Variants in SH3PXD2A observed in about 807,000 individuals in gnomAD.
SH3PXD2A encodes SH3 and PX domain-containing protein 2A.
A neutral mutation model predicts 115.2 loss-of-function variants in SH3PXD2A; 32 were observed. The ratio of observed to expected loss-of-function variants is 0.28; its 90% CI spans 0.21 to 0.37. The LOEUF (loss-of-function observed/expected upper bound fraction) is 0.37, where lower values mean the gene tolerates loss of function less well. Among genes scored for constraint, SH3PXD2A ranks in the 10% least tolerant of loss-of-function variants. SH3PXD2A has a pLI of 1.00. For missense variants in SH3PXD2A, 1,328 were observed against 1,498.7 expected (o/e 0.89, Z 1.88); for synonymous variants, 610 against 629.1 (o/e 0.97, Z 0.45).
intron 2 of SH3PXD2A, among the ~76,000 whole-genome samples, chr10:103,791,642 AT>A (rs2039037332): frequency 6.6e-6 from 1 of 151,808 alleles, no homozygotes. Context: ...TAGATGCTCT[AT>A]CCCCGCTGCC....
chr10:103,767,813 T>G (rs1224762905), intron 2 of SH3PXD2A, among the ~76,000 whole-genome samples: 4 of 100,942 alleles, frequency 4.0e-5, no homozygotes, highest in Admixed American at 2.0e-4. Flanking sequence ...CTGTTTTGTT[T>G]TTTTTTTTTT....
chr10:103,628,182 G>A (rs1188406031), intron 8 of SH3PXD2A, among the ~76,000 whole-genome samples: 5 of 152,202 alleles, frequency 3.3e-5, no homozygotes, highest in African/African-American at 9.6e-5. Flanking sequence ...TGAAAACAAC[G>A]GAGAGGAGGG....
chr10:103,740,559 A>G (rs1416146498), intron 3 of SH3PXD2A, among the ~76,000 whole-genome samples: 1 of 152,156 alleles, frequency 6.6e-6, no homozygotes, highest in Non-Finnish European at 1.5e-5. Context: ...CCAGCCATGA[A>G]GAGTTTGGTA....
At chr10:103,764,867 G>T (rs2038737327) in intron 3 of SH3PXD2A, among the ~76,000 whole-genome samples, 1 of 152,174 alleles carries the variant, frequency 6.6e-6, no homozygotes, top group Admixed American at 6.5e-5. Context: ...CTTGGCCTCA[G>T]TTTCCTAGTC....
In SH3PXD2A at chr10:103,693,004, G is replaced by GA. The variant is rs1489267729; in HGVS notation, c.427+23dup. 6 of 1,604,506 alleles carry GA rather than the reference G, an allele frequency of 3.7e-6. 1 individual carries two copies. The South Asian group carries it at 5.5e-5, about 15-fold the overall frequency. On this transcript the variant is annotated intron_variant, in intron 6 of 14. Transcript: ENST00000369774. ...ACGAAGCGGGAAGGAAGGCTGAAGG[G>GA]AAAACGCCCGGAGGCTCCCTTACCT... is the stretch of plus-strand genomic sequence containing the variant.
intron 6 of SH3PXD2A, among the ~76,000 whole-genome samples, chr10:103,681,906 T>C (rs1181830144): frequency 6.6e-6 from 1 of 152,206 alleles, no homozygotes; most frequent in East Asian, 1.9e-4. Flanking sequence ...GGTGAAACCC[T>C]GTCTCTTAAG....
In SH3PXD2A at chr10:103,814,291, G is replaced by C. The variant is rs575825139; in HGVS notation, c.73-12929C>G. The stretch of plus-strand genomic sequence containing the variant: ...TCTGCAGGCCTTCATCAGCGACTAA[G>C]GGGTCAGAGTCCAGCCCTTCTCGGC... On this transcript the variant is annotated intron_variant, in intron 1 of 14. Coordinates refer to ENST00000369774, the MANE Select transcript of SH3PXD2A (RefSeq NM_001394015.1). 4.6e-5 allele frequency among the ~76,000 whole-genome samples: 7 copies of C among 152,316 alleles called. No homozygotes were observed. In the South Asian group the frequency reaches 1.2e-3, roughly 27 times the overall value.
intron 5 of SH3PXD2A, among the ~76,000 whole-genome samples, chr10:103,710,888 T>C (rs2038039480): frequency 6.6e-6 from 1 of 151,948 alleles, no homozygotes; most frequent in South Asian, 2.1e-4. Flanking sequence ...ATTTAAAAAA[T>C]AGTGGGGCAC....
At chr10:103,632,864 A>G (rs1026511335) in intron 8 of SH3PXD2A, among the ~76,000 whole-genome samples, 114 of 151,456 alleles carry the variant, frequency 7.5e-4, no homozygotes, top group Non-Finnish European at 1.4e-3. Context: ...GTCCCAAGTA[A>G]CTCGAGAGGC....
At chr10:103,744,708 G>T (rs1039075303) in intron 3 of SH3PXD2A, among the ~76,000 whole-genome samples, 1 of 152,182 alleles carries the variant, frequency 6.6e-6, no homozygotes, top group African/African-American at 2.4e-5. Context: ...GTGAGGCCTA[G>T]ATGCTGAGGC....
chr10:103,766,050 A>G (rs1320698836), intron 3 of SH3PXD2A, among the ~76,000 whole-genome samples: 1 of 152,224 alleles, frequency 6.6e-6, no homozygotes, highest in African/African-American at 2.4e-5. Context: ...ATAGGGACTC[A>G]CATCTTTCGC....
rs1357787485 is a variant in SH3PXD2A, at chr10:103,697,459, A to T, written c.399-4403T>A. Reference sequence around the variant, plus strand: ...GGACCTCACCACGATGCTGGCAGACAGTGCCAGGCAGGTGTGATTCCAGCC... The same window carrying T: ...GGACCTCACCACGATGCTGGCAGACTGTGCCAGGCAGGTGTGATTCCAGCC... On this transcript the variant is annotated intron_variant, in intron 5 of 14. Transcript: ENST00000369774. Among the ~76,000 whole-genome samples the T allele has an allele frequency of 2.0e-5, 3 of 152,200 alleles. No individual in the cohort carries two copies. The East Asian group carries it at 5.8e-4, about 29-fold the overall frequency.
At chr10:103,710,488 GC>G (rs1384904782) in intron 5 of SH3PXD2A, among the ~76,000 whole-genome samples, 2 of 152,190 alleles carry the variant, frequency 1.3e-5, no homozygotes, top group African/African-American at 4.8e-5. Context: ...ACCCTATGCT[GC>G]CACTTCTATG....
chr10:103,794,578 T>A (rs1275573816), intron 2 of SH3PXD2A, among the ~76,000 whole-genome samples: 1 of 151,996 alleles, frequency 6.6e-6, no homozygotes, highest in Non-Finnish European at 1.5e-5. Flanking sequence ...CAGCCACCCG[T>A]GAGAAAGCAA....
intron 6 of SH3PXD2A, among the ~76,000 whole-genome samples, chr10:103,692,529 A>C (rs1342348845): frequency 2.0e-5 from 3 of 152,184 alleles, no homozygotes; most frequent in African/African-American, 4.8e-5. Flanking sequence ...CTAAAAACTC[A>C]AGTCACTCAA....
chr10:103,643,671 C>A (rs1325644186), intron 8 of SH3PXD2A, among the ~76,000 whole-genome samples: 1 of 152,148 alleles, frequency 6.6e-6, no homozygotes, highest in Non-Finnish European at 1.5e-5. Context: ...CCCCTTGACC[C>A]AATGTGGAGT....
intron 3 of SH3PXD2A, among the ~76,000 whole-genome samples, chr10:103,758,937 G>T (rs563692196): frequency 3.9e-5 from 6 of 152,240 alleles, no homozygotes; most frequent in African/African-American, 1.4e-4. Flanking sequence ...TCTTCCTTGG[G>T]GGTTGCAGTC....
chr10:103,764,414 A>C (rs895330095), intron 3 of SH3PXD2A, among the ~76,000 whole-genome samples: 1 of 152,130 alleles, frequency 6.6e-6, no homozygotes, highest in Non-Finnish European at 1.5e-5. Context: ...ACCCTGCTGA[A>C]GCAAGGCAAG....
At chr10:103,762,010 A>G (rs1031964685) in intron 3 of SH3PXD2A, among the ~76,000 whole-genome samples, 1 of 110,468 alleles carries the variant, frequency 9.1e-6, no homozygotes, top group African/African-American at 3.4e-5. Flanking sequence ...AGCAATCAAC[A>G]CGTCTTTTTT....
Sources: gnomAD v4.1 joint callset for allele counts (sites outside exome capture counted in the v4.1 genomes callset) on GRCh38, gnomAD v4.1.1 for gene constraint, MANE v1.5 for transcripts, NCBI Gene and HGNC (gene_info 2026-07-23, HGNC 2026-07-21) for gene names.